Variants in NBPF20 observed in about 807,000 individuals in gnomAD.
NBPF20 encodes the protein NBPF member 20.
A neutral mutation model predicts 68.1 loss-of-function variants in NBPF20; 90 were observed. The ratio of observed to expected loss-of-function variants is 1.32; its 90% CI spans 1.11 to 1.58. The LOEUF (loss-of-function observed/expected upper bound fraction) is 1.58, where lower values mean the gene tolerates loss of function less well. Ranked by LOEUF, NBPF20 falls within the 40% of genes most tolerant of loss-of-function variation. The pLI is 0.00. For missense variants in NBPF20, 816 were observed against 601.2 expected, an observed-to-expected ratio of 1.36 and a Z score of -3.74; for synonymous variants, 290 against 228.1, an observed-to-expected ratio of 1.27 and a Z score of -2.45.
exon 138 of NBPF20, chr1:145,291,058 C>G (rs1337552444): frequency 1.9e-5 from 4 of 215,076 alleles, no homozygotes; most frequent in Non-Finnish European, 3.7e-5. Context: ...AATCCTCAAC[C>G]AAGGATCCCT....
chr1:145,390,339 C>CAT (rs1222162102), intron 13 of NBPF20, among the ~76,000 whole-genome samples: 1 of 64,722 alleles, frequency 1.5e-5, no homozygotes. Flanking sequence ...CACACACACA[C>CAT]ACACAGACAC....
At chr1:145,295,224 A>C in intron 133 of NBPF20, 1 of 592,190 alleles carries the variant, frequency 1.7e-6, no homozygotes, top group South Asian at 2.0e-5. Flanking sequence ...TGACACACTG[A>C]TGAAGGGGTC....
chr1:145,400,458 T>C (rs1662467761), exon 6 of NBPF20: 20 of 1,613,144 alleles, frequency 1.2e-5, no homozygotes, highest in Non-Finnish European at 1.6e-5. Context: ...GAGTCGACTT[T>C]GTCTTCCTCA....
In NBPF20 at chr1:145,372,558, A is replaced by C. The variant is rs1401068796; in HGVS notation, c.4323T>G (p.Val1441=). 6.4e-5 allele frequency: 25 copies of C among 390,770 alleles called. 3 individuals carry two copies. Among genetic ancestry groups the C allele is most frequent in the South Asian group, 2.6e-4 (11 of 42,352 alleles). The allele number at this position is 390,770 out of a possible 1,614,324, so 24.2% of individuals were successfully genotyped here. A position where few individuals can be genotyped will look rare whatever the true frequency, so the allele number is the denominator to read the frequency against. Residue 1441 remains valine (V), a synonymous_variant, in exon 36 of 138, where the codon GTT becomes GTG. Transcript: ENST00000369373. ...CAAGGTACTGTTCCTCCAATGAGTA[A>C]ACAGCACTGCTGTAGGGCTGGCCTA...
At chr1:145,334,926 T>C (rs1661563790) in intron 83 of NBPF20, among the ~76,000 whole-genome samples, 1 of 125,470 alleles carries the variant, frequency 8.0e-6, no homozygotes, top group Non-Finnish European at 1.9e-5. Flanking sequence ...CACTCTGAGT[T>C]AGTGCCCTCG....
At chr1:145,393,921 G>C (rs199517854) in exon 9 of NBPF20, 6 of 1,416,338 alleles carry the variant, frequency 4.2e-6, no homozygotes, top group African/African-American at 4.2e-5. Flanking sequence ...TTTTTCACTT[G>C]ATCCCACCGA....
chr1:145,397,606 A>G (rs1662319616), intron 7 of NBPF20, among the ~76,000 whole-genome samples: 1 of 152,202 alleles, frequency 6.6e-6, no homozygotes, highest in Non-Finnish European at 1.5e-5. Context: ...GAAAGGAACA[A>G]CCGGTACCAG....
chr1:145,417,243 C>T, the NBPF20 span, among the ~76,000 whole-genome samples: 1 of 151,382 alleles, frequency 6.6e-6, no homozygotes, highest in Non-Finnish European at 1.5e-5. Context: ...ACTAGTGGTG[C>T]TAGAACAGCT....
At position 145,400,409 on chromosome 1, in the gene NBPF20, T is replaced by A. The variant is rs1170587554; in HGVS notation, c.752A>T (p.Asp251Val). 1.9e-5 allele frequency: 30 copies of A among 1,612,914 alleles called. No homozygotes were observed. The African/African-American group carries it at 2.8e-4, about 15-fold the overall frequency. The change falls in exon 6 of 138, where the codon GAT (aspartate) becomes GTT (valine). Residue 251 changes from aspartate to valine, a missense_variant. Physicochemically the swap from Asp to Val is radical, Grantham distance 152 (BLOSUM62 -3). Coordinates refer to ENST00000369373, the Ensembl canonical transcript of NBPF20. ...GCTACCTGGAATAATGTGTACAGCA[T>A]CCTCCCATTCAACATGAGAGGATGA...
upstream of NBPF20, among the ~76,000 whole-genome samples, chr1:145,407,466 T>C (rs1385980665): frequency 6.8e-6 from 1 of 147,264 alleles, no homozygotes; most frequent in Non-Finnish European, 1.5e-5. Flanking sequence ...TATACACGTA[T>C]ATATAATATA....
chr1:145,423,972 G>C, the NBPF20 span, among the ~76,000 whole-genome samples: 2 of 144,842 alleles, frequency 1.4e-5, no homozygotes, highest in Non-Finnish European at 3.0e-5. Flanking sequence ...TTCATTACCT[G>C]TACTTTTTTT....
At chr1:145,351,889 C>T in intron 62 of NBPF20, 28 bp downstream of exon 67, 1 of 48,392 alleles carries the variant, frequency 2.1e-5, no homozygotes, top group Non-Finnish European at 3.6e-5. Flanking sequence ...TCAGTGGATC[C>T]TTATCACCTT....
intron 61 of NBPF20, among the ~76,000 whole-genome samples, chr1:145,352,316 C>G (rs1477906734): frequency 2.6e-3 from 235 of 90,628 alleles, no homozygotes; most frequent in Middle Eastern, 0.011. Flanking sequence ...CACACACACA[C>G]ACACACACAC....
At chr1:145,423,845 T>C in the NBPF20 span, among the ~76,000 whole-genome samples, 2 of 152,200 alleles carry the variant, frequency 1.3e-5, no homozygotes, top group East Asian at 1.9e-4. Flanking sequence ...TTCAACAATA[T>C]GTAATACTAA....
exon 2 of NBPF20, chr1:145,405,224 T>C (rs1232272506): frequency 1.2e-6 from 2 of 1,611,076 alleles, no homozygotes; most frequent in Non-Finnish European, 1.7e-6. Context: ...ATTTCTAGAA[T>C]GTTCATCTCT....
chr1:145,418,995 AAGAG>A, the NBPF20 span, among the ~76,000 whole-genome samples: 2 of 142,956 alleles, frequency 1.4e-5, no homozygotes, highest in East Asian at 2.0e-4. Context: ...AGGAAAGAAA[AAGAG>A]AGAGCATGAG....
chr1:145,399,776 CA>C (rs1176062364), intron 6 of NBPF20, among the ~76,000 whole-genome samples: 1,432 of 51,728 alleles, frequency 0.028, 31 homozygotes, highest in African/African-American at 0.1. Context: ...GACTCCATCA[CA>C]AAAAAAAAAA....
Position 145,377,956 on chromosome 1 carries a change from T to C in NBPF20, c.3464+87A>G, listed in dbSNP as rs1347851218. 27 of 426,374 alleles carry C rather than the reference T, an allele frequency of 6.3e-5. 2 individuals carry two copies. The African/African-American group carries it at 7.0e-4, about 11-fold the overall frequency. 26.4% of individuals were successfully genotyped at this position (426,374 alleles called of 1,614,324 possible). On this transcript the variant is annotated intron_variant, in intron 29 of 137. Coordinates refer to ENST00000369373, the Ensembl canonical transcript of NBPF20. ...AGTAATTCAACCTTCGTTGAAAACATGAAATTGAACACACTCTTGTTTTCC... is the reference window on the plus strand; with the variant it reads ...AGTAATTCAACCTTCGTTGAAAACACGAAATTGAACACACTCTTGTTTTCC...
chr1:145,422,059 C>T, the NBPF20 span, among the ~76,000 whole-genome samples: 3 of 151,600 alleles, frequency 2.0e-5, no homozygotes, highest in South Asian at 4.2e-4. Context: ...AAAAATGGTT[C>T]GATGTAGTCC....
Sources: allele counts gnomAD v4.1 joint callset (sites outside exome capture counted in the v4.1 genomes callset), GRCh38; gene constraint gnomAD v4.1.1; transcripts MANE v1.5; gene names NCBI Gene and HGNC (gene_info 2026-07-23, HGNC 2026-07-21).